Variants in PRELID2 observed in about 807,000 individuals in gnomAD.
PRELID2 encodes PRELI domain containing 2.
Under a neutral mutation model 28.4 loss-of-function variants are expected in PRELID2, and 25 were observed. The observed-to-expected ratio is 0.88, with a 90% CI of 0.64 to 1.23. PRELID2 has a LOEUF of 1.23. Among genes scored for constraint, PRELID2 ranks in the 50% most tolerant of loss-of-function variants. The probability of loss-of-function intolerance (pLI) is 0.00; values close to 1 mark genes in which losing one functional copy is unlikely to be tolerated. For synonymous variants in PRELID2, 76 were observed against 71.6 expected, an observed-to-expected ratio of 1.06 and a Z score of -0.31; for missense variants, 201 against 214.4, an observed-to-expected ratio of 0.94 and a Z score of 0.39.
chr5:145,296,308 A>G, the PRELID2 span, among the ~76,000 whole-genome samples: 1 of 151,458 alleles, frequency 6.6e-6, no homozygotes, highest in Non-Finnish European at 1.5e-5. Context: ...GTCACTTAGC[A>G]TTAGGTATAT....
intron 1 of PRELID2, among the ~76,000 whole-genome samples, chr5:145,515,944 T>G (rs148188145): frequency 3.0e-4 from 46 of 152,334 alleles, no homozygotes; most frequent in African/African-American, 8.9e-4. Context: ...TCAACAATTC[T>G]TTATGCTAAA....
At chr5:145,534,740 G>A (rs1752684959) in intron 1 of PRELID2, among the ~76,000 whole-genome samples, 6 of 151,914 alleles carry the variant, frequency 3.9e-5, no homozygotes, top group Admixed American at 3.9e-4. Context: ...TGCTCACAGT[G>A]TTGGGAAAAC....
chr5:145,441,669 C>A, the PRELID2 span, among the ~76,000 whole-genome samples: 1 of 152,058 alleles, frequency 6.6e-6, no homozygotes, highest in African/African-American at 2.4e-5. Flanking sequence ...GTCCAGAGAA[C>A]TATTTCAGAA....
At chr5:145,618,492 C>T (rs1480740123) in intron 1 of PRELID2, among the ~76,000 whole-genome samples, 1 of 152,182 alleles carries the variant, frequency 6.6e-6, no homozygotes, top group African/African-American at 2.4e-5. Flanking sequence ...AGGCTCTAGG[C>T]TGGTACTGGG....
At chr5:145,414,844 T>A in the PRELID2 span, among the ~76,000 whole-genome samples, 1 of 152,200 alleles carries the variant, frequency 6.6e-6, no homozygotes, top group Admixed American at 6.5e-5. Context: ...CAGAATGATT[T>A]CATTTGAATA....
At chr5:145,785,319 T>C (rs962923272) in intron 5 of PRELID2, among the ~76,000 whole-genome samples, 16 of 152,244 alleles carry the variant, frequency 1.1e-4, no homozygotes, top group Non-Finnish European at 1.2e-4. Context: ...ACAATCCCTA[T>C]GTTAAACATA....
At chr5:145,485,093 C>A (rs1478665437) in intron 1 of PRELID2, among the ~76,000 whole-genome samples, 1 of 152,164 alleles carries the variant, frequency 6.6e-6, no homozygotes, top group Admixed American at 6.5e-5. Context: ...ATTATAAAAT[C>A]TTTAAGATAA....
chr5:145,521,261 G>A (rs114663831), intron 1 of PRELID2, among the ~76,000 whole-genome samples: 22 of 152,272 alleles, frequency 1.4e-4, no homozygotes, highest in Non-Finnish European at 2.8e-4. Context: ...GAACTTCCCC[G>A]TATAAGCTTT....
At chr5:145,816,478 G>A (rs1754315790) in intron 4 of PRELID2, among the ~76,000 whole-genome samples, 1 of 152,014 alleles carries the variant, frequency 6.6e-6, no homozygotes, top group African/African-American at 2.4e-5. Context: ...TTAAATTTTT[G>A]CTATCATATC....
the PRELID2 span, among the ~76,000 whole-genome samples, chr5:145,393,572 C>G: frequency 7.9e-5 from 12 of 152,146 alleles, no homozygotes; most frequent in Non-Finnish European, 1.8e-4. Flanking sequence ...AAATGAATTG[C>G]AGAAACAGCT....
At chr5:145,311,217 GCTACCAT>G in the PRELID2 span, among the ~76,000 whole-genome samples, 1 of 152,182 alleles carries the variant, frequency 6.6e-6, no homozygotes, top group Non-Finnish European at 1.5e-5. Flanking sequence ...ACCTTTCCAT[GCTACCAT>G]CTCACACATG....
At chr5:145,296,874 G>T in the PRELID2 span, among the ~76,000 whole-genome samples, 1 of 152,144 alleles carries the variant, frequency 6.6e-6, no homozygotes, top group Non-Finnish European at 1.5e-5. Flanking sequence ...ACTTTTTAAT[G>T]ATTGTCATTC....
rs572546647 is a variant in PRELID2 at position 145,560,501 on chromosome 5, G to A, written n.71-87186C>T. Among the ~76,000 whole-genome samples, 4 of 152,258 alleles carry A rather than the reference G, an allele frequency of 2.6e-5. No homozygotes were observed. The East Asian group carries it at 5.8e-4, about 22-fold the overall frequency. ...AAGTAATTTATCCTTAATATCACAC[G>A]TGCTGCTGACCCACTATTACCTGAG... On this transcript the variant is annotated intron_variant and non_coding_transcript_variant, in intron 1 of 2. Transcript: ENST00000510259.
chr5:145,309,540 T>C, the PRELID2 span, among the ~76,000 whole-genome samples: 2 of 152,202 alleles, frequency 1.3e-5, no homozygotes, highest in African/African-American at 4.8e-5. Flanking sequence ...TTAAAGAAAG[T>C]ATTTGCTGAA....
At chr5:145,447,082 TAA>T in the PRELID2 span, among the ~76,000 whole-genome samples, 1 of 150,692 alleles carries the variant, frequency 6.6e-6, no homozygotes, top group Non-Finnish European at 1.5e-5. Flanking sequence ...AATAAATAAA[TAA>T]AAATTTAAAA....
intron 1 of PRELID2, among the ~76,000 whole-genome samples, chr5:145,543,716 G>A (rs529836356): frequency 6.6e-6 from 1 of 152,166 alleles, no homozygotes; most frequent in South Asian, 2.1e-4. Context: ...CAGCCACTGA[G>A]TAGAAATTGG....
At chr5:145,721,211 C>T (rs966130173) in intron 1 of PRELID2, among the ~76,000 whole-genome samples, 5 of 152,150 alleles carry the variant, frequency 3.3e-5, no homozygotes, top group East Asian at 1.9e-4. Flanking sequence ...AACTTTCACA[C>T]GCATTCATGA....
the PRELID2 span, among the ~76,000 whole-genome samples, chr5:145,423,564 C>G: frequency 6.8e-6 from 1 of 146,704 alleles, no homozygotes; most frequent in Non-Finnish European, 1.5e-5. Context: ...ACGTAGTTCT[C>G]GAGCCTTGGT....
chr5:145,425,009 T>A, the PRELID2 span, among the ~76,000 whole-genome samples: 23 of 152,048 alleles, frequency 1.5e-4, no homozygotes, highest in African/African-American at 5.3e-4. Flanking sequence ...ACTTTTGCAA[T>A]CTATCCATTT....
Sources: allele counts gnomAD v4.1 joint callset (sites outside exome capture counted in the v4.1 genomes callset), GRCh38; gene constraint gnomAD v4.1.1; transcripts MANE v1.5; gene names NCBI Gene and HGNC (gene_info 2026-07-23, HGNC 2026-07-21).